GPC5: variants seen among roughly 807,000 people sequenced by gnomAD.
The protein encoded by GPC5 is glypican-5.
A neutral mutation model predicts 53.9 loss-of-function variants in GPC5; 47 were observed. That is an observed-to-expected ratio of 0.87 (90% confidence interval 0.69 to 1.11). The LOEUF (loss-of-function observed/expected upper bound fraction) is 1.11, where lower values mean the gene tolerates loss of function less well. GPC5 is among the 50% of genes most tolerant of loss of function. GPC5 has a pLI of 0.00. For synonymous variants in GPC5, 286 were observed against 263.3 expected, an observed-to-expected ratio of 1.09 and a Z score of -0.84; for missense variants, 748 against 713.1, an observed-to-expected ratio of 1.05 and a Z score of -0.56.
At chr13:92,713,059 C>T (rs922633138) in intron 7 of GPC5, among the ~76,000 whole-genome samples, 1 of 151,674 alleles carries the variant, frequency 6.6e-6, no homozygotes, top group Admixed American at 6.6e-5. Flanking sequence ...AACTAATACA[C>T]CTTACATCCA....
At chr13:91,839,045 C>A (rs1197600160) in intron 5 of GPC5, among the ~76,000 whole-genome samples, 2 of 152,114 alleles carry the variant, frequency 1.3e-5, no homozygotes, top group African/African-American at 4.8e-5. Context: ...ACTCTATTTT[C>A]TTCCTCAACA....
chr13:91,583,769 A>T (rs985861667), intron 2 of GPC5, among the ~76,000 whole-genome samples: 4 of 152,210 alleles, frequency 2.6e-5, no homozygotes, highest in Non-Finnish European at 4.4e-5. Context: ...GATTCTCAAG[A>T]TCCTTAAATG....
intron 5 of GPC5, among the ~76,000 whole-genome samples, chr13:91,789,526 T>C (rs1052041758): frequency 6.6e-6 from 1 of 152,148 alleles, no homozygotes; most frequent in African/African-American, 2.4e-5. Flanking sequence ...ATTGTGAGAA[T>C]TTTGGACAGA....
intron 7 of GPC5, among the ~76,000 whole-genome samples, chr13:92,850,170 T>C (rs527653008): frequency 2.0e-5 from 3 of 152,282 alleles, no homozygotes; most frequent in East Asian, 1.9e-4. Context: ...GAAGAAGAGA[T>C]AGCAATAACA....
At chr13:91,868,937 G>A (rs1456459911) in intron 5 of GPC5, among the ~76,000 whole-genome samples, 1 of 152,068 alleles carries the variant, frequency 6.6e-6, no homozygotes, top group Non-Finnish European at 1.5e-5. Flanking sequence ...AGGAGAAGAG[G>A]AACATTTCAC....
intron 2 of GPC5, among the ~76,000 whole-genome samples, chr13:91,653,776 G>C (rs936569882): frequency 6.6e-6 from 1 of 151,856 alleles, no homozygotes; most frequent in Non-Finnish European, 1.5e-5. Context: ...TCTTATATTA[G>C]ACTTAGAATT....
chr13:92,795,827 A>G (rs553332065), intron 7 of GPC5, among the ~76,000 whole-genome samples: 1 of 152,282 alleles, frequency 6.6e-6, no homozygotes, highest in South Asian at 2.1e-4. Flanking sequence ...ATCTCATGCC[A>G]GTTAGAATGG....
chr13:92,851,603 C>T (rs974276233), intron 7 of GPC5, among the ~76,000 whole-genome samples: 6 of 151,920 alleles, frequency 3.9e-5, no homozygotes, highest in African/African-American at 9.7e-5. Flanking sequence ...ATAAGCCGGT[C>T]GGGCACAGTG....
intron 7 of GPC5, among the ~76,000 whole-genome samples, chr13:92,718,148 C>G (rs1888390823): frequency 6.6e-6 from 1 of 152,098 alleles, no homozygotes. Context: ...ATGGAAGTTT[C>G]TCATAAAACT....
intron 6 of GPC5, among the ~76,000 whole-genome samples, chr13:91,916,015 A>G (rs2039655065): frequency 6.6e-6 from 1 of 152,228 alleles, no homozygotes; most frequent in African/African-American, 2.4e-5. Flanking sequence ...TGTGCTAAGG[A>G]ACATGACTTC....
chr13:91,537,487 C>A (rs1363823659), intron 2 of GPC5, among the ~76,000 whole-genome samples: 2 of 152,098 alleles, frequency 1.3e-5, no homozygotes, highest in Non-Finnish European at 2.9e-5. Context: ...AGTGTAAAAT[C>A]CGAATAGACC....
intron 2 of GPC5, among the ~76,000 whole-genome samples, chr13:91,617,863 G>C (rs1199646123): frequency 6.6e-6 from 1 of 152,114 alleles, no homozygotes; most frequent in South Asian, 2.1e-4. Flanking sequence ...ACTCAGCTCT[G>C]CACTTGTAGT....
intron 7 of GPC5, among the ~76,000 whole-genome samples, chr13:92,424,757 A>G (rs951593413): frequency 1.3e-5 from 2 of 151,854 alleles, no homozygotes; most frequent in African/African-American, 4.8e-5. Flanking sequence ...CTTTGCTTAC[A>G]TACTTTGATT....
intron 6 of GPC5, among the ~76,000 whole-genome samples, chr13:92,105,497 G>A: frequency 6.6e-6 from 1 of 152,034 alleles, no homozygotes; most frequent in Admixed American, 6.6e-5. Context: ...AAATAGGAAA[G>A]TGAAGCTTGA....
chr13:92,566,775 A>G (rs1178731336), intron 7 of GPC5, among the ~76,000 whole-genome samples: 1 of 152,054 alleles, frequency 6.6e-6, no homozygotes, highest in Non-Finnish European at 1.5e-5. Context: ...CCCACCTTCC[A>G]ATTCCCAATC....
chr13:92,015,897 TAC>T (rs1287839628), intron 6 of GPC5, among the ~76,000 whole-genome samples: 1 of 152,214 alleles, frequency 6.6e-6, no homozygotes, highest in African/African-American at 2.4e-5. Flanking sequence ...TTTAAATGCT[TAC>T]ACAAAAAATA....
intron 6 of GPC5, among the ~76,000 whole-genome samples, chr13:91,990,152 T>A (rs1313876389): frequency 6.6e-6 from 1 of 152,200 alleles, no homozygotes; most frequent in Non-Finnish European, 1.5e-5. Context: ...CTGGAATAAG[T>A]CTATTTTTAT....
chr13:92,016,332 G>A (rs183989931), intron 6 of GPC5, among the ~76,000 whole-genome samples: 4 of 152,190 alleles, frequency 2.6e-5, no homozygotes, highest in South Asian at 2.1e-4. Flanking sequence ...AATGGGAATC[G>A]TTGTCTTTAT....
At chr13:92,210,635 T>C (rs1384915382) in intron 7 of GPC5, among the ~76,000 whole-genome samples, 1 of 152,182 alleles carries the variant, frequency 6.6e-6, no homozygotes, top group Non-Finnish European at 1.5e-5. Flanking sequence ...TAGATAAAAA[T>C]ATTCATAACA....
Sources: gnomAD v4.1 joint callset for allele counts (sites outside exome capture counted in the v4.1 genomes callset) on GRCh38, gnomAD v4.1.1 for gene constraint, MANE v1.5 for transcripts, NCBI Gene and HGNC (gene_info 2026-07-23, HGNC 2026-07-21) for gene names.